Variants in JARID2 observed in about 807,000 individuals in gnomAD.
The protein encoded by JARID2 is jumonji and AT-rich interaction domain containing 2.
In JARID2, 21 loss-of-function variants were observed where a neutral mutation model predicts 125.6. That is an observed-to-expected ratio of 0.17 (90% confidence interval 0.12 to 0.24). The LOEUF (loss-of-function observed/expected upper bound fraction) is 0.24, where lower values mean the gene tolerates loss of function less well. Ranked by LOEUF, JARID2 falls within the 10% of genes least tolerant of loss-of-function variation. The pLI, the probability that JARID2 is intolerant of heterozygous loss-of-function variation, is 1.00. For missense variants in JARID2, 1,303 were observed against 1,639.6 expected, an observed-to-expected ratio of 0.79 and a Z score of 3.55; for synonymous variants, 736 against 661.6, an observed-to-expected ratio of 1.11 and a Z score of -1.73.
intron 1 of JARID2, among the ~76,000 whole-genome samples, chr6:15,261,216 CG>C (rs1457665459): frequency 4.6e-5 from 7 of 151,954 alleles, no homozygotes; most frequent in South Asian, 2.1e-4. Flanking sequence ...AAAGAAAGGA[CG>C]ATGTCACTTT....
chr6:15,453,724 C>T (rs546858016), intron 4 of JARID2, among the ~76,000 whole-genome samples: 4 of 152,256 alleles, frequency 2.6e-5, no homozygotes, highest in Admixed American at 1.3e-4. Context: ...CCCAGATCAC[C>T]GCCTCATCCG....
intron 1 of JARID2, among the ~76,000 whole-genome samples, chr6:15,342,947 C>T (rs1425952283): frequency 1.3e-5 from 2 of 152,120 alleles, no homozygotes; most frequent in African/African-American, 4.8e-5. Context: ...GTGGCTCACG[C>T]CTGTAATCCC....
In JARID2 at chr6:15,423,563, G is replaced by A. The variant is rs73365228; in HGVS notation, c.323+13198G>A. ...TTTTAAGTTCACTTTTATGGGTCAT[G>A]TGTGGGTAGATTTGTGTGGCTTACG... On this transcript the variant is annotated intron_variant, in intron 3 of 17. Coordinates refer to ENST00000341776, the MANE Select transcript of JARID2 (RefSeq NM_004973.4). 6.8e-3 allele frequency among the ~76,000 whole-genome samples: 1,041 copies of A among 152,308 alleles called. 12 individuals are homozygous for A. The highest frequency in any genetic ancestry group is 0.024 in the African/African-American group (1,010 of 41,560).
chr6:15,508,648 G>A (rs959434732), intron 12 of JARID2, among the ~76,000 whole-genome samples, 194 bp downstream of exon 12: 24 of 152,238 alleles, frequency 1.6e-4, no homozygotes, highest in African/African-American at 5.8e-4. Context: ...AAGAGTTGGG[G>A]TGCTGGAGAA....
intron 1 of JARID2, among the ~76,000 whole-genome samples, chr6:15,344,978 G>A (rs944441851): frequency 2.0e-5 from 3 of 151,996 alleles, no homozygotes; most frequent in African/African-American, 7.2e-5. Context: ...AAGTAAGTTT[G>A]CTGCTATTGC....
At chr6:15,360,311 A>G (rs1763747819) in intron 1 of JARID2, among the ~76,000 whole-genome samples, 1 of 152,028 alleles carries the variant, frequency 6.6e-6, no homozygotes, top group Non-Finnish European at 1.5e-5. Flanking sequence ...CAGCCTCCCA[A>G]ATAGCTGGAA....
chr6:15,360,243 C>T (rs1351617442), intron 1 of JARID2, among the ~76,000 whole-genome samples: 2 of 152,050 alleles, frequency 1.3e-5, no homozygotes, highest in Non-Finnish European at 2.9e-5. Context: ...AGTGCAGTGG[C>T]ATGATCTCAG....
At chr6:15,270,888 C>T (rs1035449266) in intron 1 of JARID2, among the ~76,000 whole-genome samples, 1 of 151,674 alleles carries the variant, frequency 6.6e-6, no homozygotes, top group Non-Finnish European at 1.5e-5. Flanking sequence ...TTGCAGTGAG[C>T]GGAGATCTTG....
At chr6:15,452,697 G>A (rs910337140) in intron 4 of JARID2, among the ~76,000 whole-genome samples, 8 of 152,204 alleles carry the variant, frequency 5.3e-5, no homozygotes, top group Non-Finnish European at 1.2e-4. Context: ...ACTGGTCCAT[G>A]TTTCAACTCG....
intron 1 of JARID2, among the ~76,000 whole-genome samples, chr6:15,365,433 T>C (rs1763940688): frequency 6.6e-6 from 1 of 152,188 alleles, no homozygotes; most frequent in Non-Finnish European, 1.5e-5. Context: ...TGCGGACGTC[T>C]TGCTGCCATG....
chr6:15,388,255 A>G (rs1764862197), intron 2 of JARID2, among the ~76,000 whole-genome samples: 1 of 152,170 alleles, frequency 6.6e-6, no homozygotes, highest in Admixed American at 6.5e-5. Context: ...GCTTTTGGAA[A>G]TAACCTGTTA....
intron 5 of JARID2, 145 bp downstream of exon 5, chr6:15,468,863 A>T: frequency 1.4e-6 from 1 of 728,650 alleles, no homozygotes. Flanking sequence ...GGGCAAAGGG[A>T]TTATTAGTGT....
At chr6:15,470,545 G>A (rs1260579812) in intron 5 of JARID2, among the ~76,000 whole-genome samples, 3 of 152,204 alleles carry the variant, frequency 2.0e-5, no homozygotes, top group East Asian at 3.8e-4. Flanking sequence ...CTTAATAATT[G>A]TTCATCTGGC....
intron 2 of JARID2, among the ~76,000 whole-genome samples, chr6:15,381,329 A>G (rs1764577110): frequency 1.6e-5 from 2 of 127,598 alleles, no homozygotes; most frequent in Admixed American, 1.8e-4. Context: ...CGACAGAGGG[A>G]GACTCCTGTC....
chr6:15,411,877 T>C (rs1361706056), intron 3 of JARID2, among the ~76,000 whole-genome samples: 1 of 152,180 alleles, frequency 6.6e-6, no homozygotes. Context: ...CCGGGTGCAG[T>C]GATGTGTGTT....
chr6:15,493,664 A>G (rs1385346137), intron 6 of JARID2, among the ~76,000 whole-genome samples: 3 of 60,584 alleles, frequency 5.0e-5, no homozygotes, highest in Non-Finnish European at 1.0e-4. Flanking sequence ...CCCCACCCCC[A>G]CCCAGCCCCA....
chr6:15,341,030 CAA>C (rs1763054104), intron 1 of JARID2, among the ~76,000 whole-genome samples: 1 of 152,264 alleles, frequency 6.6e-6, no homozygotes, highest in South Asian at 2.1e-4. Context: ...AGAAGTGAAA[CAA>C]AAGAGACTGT....
chr6:15,409,308 C>T (rs975229292), intron 2 of JARID2, among the ~76,000 whole-genome samples: 2 of 152,142 alleles, frequency 1.3e-5, no homozygotes, highest in Non-Finnish European at 1.5e-5. Context: ...GATCAAGCAC[C>T]GTAAAACTGC....
intron 3 of JARID2, among the ~76,000 whole-genome samples, chr6:15,413,003 T>TG (rs1561845254): frequency 1.0e-4 from 6 of 58,724 alleles, no homozygotes; most frequent in East Asian, 3.4e-4. Context: ...AGAGCTTGTG[T>TG]TTTTGTTTTT....
Sources: gnomAD v4.1 joint callset for allele counts (sites outside exome capture counted in the v4.1 genomes callset) on GRCh38, gnomAD v4.1.1 for gene constraint, MANE v1.5 for transcripts, NCBI Gene and HGNC (gene_info 2026-07-23, HGNC 2026-07-21) for gene names.